The following MTHFD1 variants were observed in gnomAD, a reference collection of about 807,000 sequenced individuals.
The protein encoded by MTHFD1 is methylenetetrahydrofolate dehydrogenase, cyclohydrolase and formyltetrahydrofolate synthetase 1, also known as C-1-tetrahydrofolate synthase, cytoplasmic.
A neutral mutation model predicts 110.3 loss-of-function variants in MTHFD1; 44 were observed. The ratio of observed to expected loss-of-function variants is 0.40; its 90% CI spans 0.31 to 0.51. The LOEUF is 0.51. Among genes scored for constraint, MTHFD1 ranks in the 20% least tolerant of loss-of-function variants. The pLI is 0.60. For synonymous variants in MTHFD1, 402 were observed against 428.8 expected, an observed-to-expected ratio of 0.94 and a Z score of 0.77; for missense variants, 909 against 1,173.1, an observed-to-expected ratio of 0.77 and a Z score of 3.29.
chr14:64,454,773 T>C lies in MTHFD1; in HGVS notation c.2616T>C (p.Ser872=). The C allele has an allele frequency of 1.2e-6, 2 of 1,614,104 alleles. No individual in the cohort carries two copies. The highest frequency in any genetic ancestry group is 1.7e-6 in the Non-Finnish European group (2 of 1,179,946). ...ICMAKTHLSL[S]HNPEQKGVPT... ...TGGCTAAAACACACTTGTCTTTGTC[T>C]CACAACCCAGAGCAAAAAGGTGTCC... Residue 872 remains serine (S), a synonymous_variant, in exon 26 of 28, where the codon TCT becomes TCC. Coordinates refer to ENST00000652337, the MANE Select transcript of MTHFD1 (RefSeq NM_005956.4).
At chr14:64,420,220 G>A (rs2140959471) in intron 8 of MTHFD1, among the ~76,000 whole-genome samples, 1 of 152,222 alleles carries the variant, frequency 6.6e-6, no homozygotes, top group African/African-American at 2.4e-5. Context: ...TTATCTTCAT[G>A]TAGAGATCAC....
chr14:64,436,816 T>C (rs956147632), intron 16 of MTHFD1, among the ~76,000 whole-genome samples: 5 of 152,238 alleles, frequency 3.3e-5, no homozygotes, highest in African/African-American at 9.6e-5. Flanking sequence ...ATTTTGAAGA[T>C]TTAGTATCCG....
intron 27 of MTHFD1, chr14:64,458,692 A>G: frequency 3.5e-6 from 1 of 282,988 alleles, no homozygotes; most frequent in Admixed American, 4.7e-5. Context: ...TATACTCTGA[A>G]TAGGTAGTTA....
Position 64,431,788 on chromosome 14 carries a change from C to T in MTHFD1, c.1421C>T (p.Ala474Val), listed in dbSNP as rs1198843434. Residue 474 changes from alanine (A) to valine (V), a missense_variant and splice_region_variant, in exon 15 of 28, where the codon GCT becomes GTT. By Grantham distance (64) the Ala-to-Val change is moderately conservative. Coordinates refer to ENST00000652337, the MANE Select transcript of MTHFD1 (RefSeq NM_005956.4). ...TAAAGCCCCTTTCTTTTCTTTAAGG[C>T]TCTCTTTAATCGTTTGGTGCCATCA... is the stretch of plus-strand genomic sequence containing the variant. ...IFHELTQTDKALFNRLVPSVN... is the reference protein window; with the variant it reads ...IFHELTQTDKVLFNRLVPSVN... 6.2e-7 allele frequency: 1 copy of T among 1,614,036 alleles called. No homozygotes were observed. The highest frequency in any genetic ancestry group is 8.5e-7 in the Non-Finnish European group (1 of 1,179,890).
chr14:64,458,466 G>A, intron 27 of MTHFD1, 159 bp downstream of exon 27: 1 of 677,920 alleles, frequency 1.5e-6, no homozygotes, highest in Non-Finnish European at 2.7e-6. Context: ...ATGAGAGTTG[G>A]CAATAACCAA....
At chr14:64,422,589 A>T (rs1457197838) in intron 8 of MTHFD1, among the ~76,000 whole-genome samples, 1 of 152,180 alleles carries the variant, frequency 6.6e-6, no homozygotes, top group Non-Finnish European at 1.5e-5. Context: ...GAAGGGTTAA[A>T]AAGTGGGAAC....
At chr14:64,403,056 C>T (rs1241796759) in intron 2 of MTHFD1, among the ~76,000 whole-genome samples, 2 of 152,104 alleles carry the variant, frequency 1.3e-5, no homozygotes, top group Non-Finnish European at 1.5e-5. Context: ...ATCTCCCAGG[C>T]TCAAGTGATC....
intron 8 of MTHFD1, chr14:64,424,272 C>T: frequency 5.7e-6 from 1 of 174,816 alleles, no homozygotes; most frequent in Non-Finnish European, 1.2e-5. Context: ...TTCTTGTGTC[C>T]TTTTAAGGGA....
intron 4 of MTHFD1, among the ~76,000 whole-genome samples, chr14:64,414,625 TGACA>T (rs1010174102): frequency 8.6e-5 from 13 of 151,796 alleles, no homozygotes; most frequent in Middle Eastern, 3.4e-3. Context: ...AGTGCTGGGA[TGACA>T]GGTGTGAGCC....
intron 4 of MTHFD1, among the ~76,000 whole-genome samples, chr14:64,414,228 C>A (rs2078007241): frequency 6.6e-6 from 1 of 151,310 alleles, no homozygotes; most frequent in African/African-American, 2.4e-5. Flanking sequence ...AGTGATCTGC[C>A]CACTCAAGCC....
chr14:64,449,497 G>A lies in MTHFD1; in HGVS notation c.2332G>A (p.Gly778Arg). ...CATCAGCCGCCTTTCCAGAGAACAT[G>A]GGGCTTTTGATGCCGTGAAGTGCAC... ...DLISRLSREH[G>R]AFDAVKCTHW... The change falls in exon 24 of 28, where the codon GGG becomes AGG. Residue 778 changes from glycine (G) to arginine (R), a missense_variant. By Grantham distance (125) the Gly-to-Arg change is moderately radical. Around this residue, in one of 3 missense-constraint regions of MTHFD1, gnomAD observed 482 missense variants for 646.0 expected, o/e 0.75. Coordinates refer to ENST00000652337, the MANE Select transcript of MTHFD1 (RefSeq NM_005956.4). The A allele has an allele frequency of 6.2e-7, 1 of 1,614,162 alleles. No homozygotes were observed. Among genetic ancestry groups the A allele is most frequent in the Middle Eastern group, 1.7e-4 (1 of 6,010 alleles).
chr14:64,421,693 G>C (rs145425947), intron 8 of MTHFD1, among the ~76,000 whole-genome samples: 1 of 150,978 alleles, frequency 6.6e-6, no homozygotes, highest in Admixed American at 6.6e-5. Flanking sequence ...GCGCGATCTC[G>C]GCTCACTGCA....
chr14:64,449,612 A>T lies in MTHFD1; in HGVS notation c.2447A>T (p.Tyr816Phe). The change falls in exon 24 of 28, where the codon TAT (tyrosine) becomes TTT (phenylalanine). Residue 816 changes from tyrosine (Y) to phenylalanine (F), a missense_variant. Tyr to Phe is a conservative substitution (Grantham distance 22, BLOSUM62 3). This residue lies in a region of MTHFD1 where 482 missense variants were observed against 646.0 expected (regional missense o/e 0.75). Coordinates refer to ENST00000652337, the MANE Select transcript of MTHFD1 (RefSeq NM_005956.4). Reference protein sequence around the residue: ...AQAPSSFQLLYDLKLPVEDKI... With the variant: ...AQAPSSFQLLFDLKLPVEDKI... ...GCACCCAGCAGCTTCCAGCTCCTTT[A>T]TGACCTCAAGGTGGGTGATTTGCTG... 5 of 1,614,086 alleles carry T rather than the reference A, an allele frequency of 3.1e-6. No individual in the cohort carries two copies. Among genetic ancestry groups the T allele is most frequent in the Non-Finnish European group, 4.2e-6 (5 of 1,180,018 alleles).
intron 24 of MTHFD1, among the ~76,000 whole-genome samples, chr14:64,453,413 A>T (rs903998556): frequency 6.6e-6 from 1 of 152,090 alleles, no homozygotes; most frequent in Non-Finnish European, 1.5e-5. Flanking sequence ...CTCTACTAAA[A>T]ATACAGAATT....
rs1039019870 is a variant in MTHFD1, at chr14:64,448,577, A to G, written c.2279+260A>G. ...AAGTAACACACAAGCCTGAAGTTCA[A>G]TGTTCCTTTTTCATCTTTAGAGGCC... On this transcript the variant is annotated intron_variant, in intron 23 of 27. Coordinates refer to ENST00000652337, the MANE Select transcript of MTHFD1 (RefSeq NM_005956.4). 9 of 493,838 alleles carry G rather than the reference A, an allele frequency of 1.8e-5. 1 individual carries two copies. In the Middle Eastern group the frequency reaches 3.1e-3, roughly 172 times the overall value. 30.6% of individuals were successfully genotyped at this position (493,838 alleles called of 1,614,324 possible).
At chr14:64,457,887 G>A (rs900976346) in intron 26 of MTHFD1, 3 of 393,050 alleles carry the variant, frequency 7.6e-6, no homozygotes, top group Non-Finnish European at 9.3e-6. Flanking sequence ...TGAAGGAAAA[G>A]TGAAAGTAAA....
In MTHFD1 at chr14:64,449,447, C is replaced by T. The variant is rs10813; in HGVS notation, c.2282C>T (p.Thr761Met). The change falls in exon 24 of 28, where the codon ACG (threonine) becomes ATG (methionine). Residue 761 changes from threonine (T) to methionine (M), a missense_variant and splice_region_variant. Transcript: ENST00000652337. ...PVVVAVNAFK[T>M]DTESELDLIS... ...GATATGAAATGCTTCCTTTATAGGA[C>T]GGATACAGAGTCTGAGCTGGACCTC... 10,217 of 1,613,056 alleles carry T rather than the reference C, an allele frequency of 6.3e-3. 362 individuals carry two copies. The African/African-American group carries it at 0.09, about 14-fold the overall frequency.
intron 2 of MTHFD1, among the ~76,000 whole-genome samples, chr14:64,404,725 C>T (rs1451184040): frequency 6.6e-6 from 1 of 152,206 alleles, no homozygotes; most frequent in Non-Finnish European, 1.5e-5. Flanking sequence ...AATCCCAGCA[C>T]TTTGGGAGGC....
intron 8 of MTHFD1, among the ~76,000 whole-genome samples, chr14:64,420,730 TCTTA>T (rs1341053106): frequency 1.2e-4 from 19 of 152,228 alleles, no homozygotes; most frequent in African/African-American, 4.3e-4. Flanking sequence ...GCCTCTTCCT[TCTTA>T]CTTGCCAGAC....
Sources: allele counts gnomAD v4.1 joint callset (sites outside exome capture counted in the v4.1 genomes callset), GRCh38; gene constraint gnomAD v4.1.1; regional missense constraint gnomAD v4.1.1; transcripts MANE v1.5; gene names NCBI Gene and HGNC (gene_info 2026-07-23, HGNC 2026-07-21).